The following NR2F1-AS1 variants were observed in gnomAD, a reference collection of about 807,000 sequenced individuals.
NR2F1-AS1 encodes NR2F1 regulatory antisense RNA 1.
chr5:93,556,641 G>A (rs1752362281), intron 2 of NR2F1-AS1, among the ~76,000 whole-genome samples: 1 of 152,130 alleles, frequency 6.6e-6, no homozygotes, highest in South Asian at 2.1e-4. Context: ...TGGACACAGA[G>A]ACAGACATGC....
intron 4 of NR2F1-AS1, among the ~76,000 whole-genome samples, chr5:93,467,145 A>G (rs1750256614): frequency 2.0e-5 from 3 of 152,128 alleles, no homozygotes; most frequent in Admixed American, 2.0e-4. Context: ...CAAGTGATCC[A>G]TCCGCCTTGG....
At chr5:93,490,570 AGTGGTG>A (rs1304765806) in intron 4 of NR2F1-AS1, among the ~76,000 whole-genome samples, 1 of 101,230 alleles carries the variant, frequency 9.9e-6, no homozygotes, top group Non-Finnish European at 2.1e-5. Flanking sequence ...TGGTGATGGG[AGTGGTG>A]GTGGTGGTGG....
In NR2F1-AS1 at chr5:93,451,626, C is replaced by T. The variant is rs183263202; in HGVS notation, n.639-56084G>A. ...CCATGTTACCTAGACTGGTCTCCAACTCCTGAGGTCAAGTGATCTGTCCAC... is the reference window on the plus strand; with the variant it reads ...CCATGTTACCTAGACTGGTCTCCAATTCCTGAGGTCAAGTGATCTGTCCAC... On this transcript the variant is annotated intron_variant and non_coding_transcript_variant, in intron 4 of 5. Coordinates refer to ENST00000660523, the Ensembl canonical transcript of NR2F1-AS1. Among the ~76,000 whole-genome samples, 22 of 152,202 alleles carry T rather than the reference C, an allele frequency of 1.4e-4. No individual in the cohort carries two copies. The East Asian group carries it at 4.1e-3, about 28-fold the overall frequency.
At chr5:93,530,362 G>A (rs1369822607) in intron 4 of NR2F1-AS1, among the ~76,000 whole-genome samples, 1 of 152,090 alleles carries the variant, frequency 6.6e-6, no homozygotes, top group Non-Finnish European at 1.5e-5. Context: ...GATTGCAGGC[G>A]ATTTGAAGGC....
At position 93,467,447 on chromosome 5, in the gene NR2F1-AS1, C is replaced by T. The variant is rs1053074343; in HGVS notation, n.639-71905G>A. Among the ~76,000 whole-genome samples, 61 of 152,114 alleles carry T rather than the reference C, an allele frequency of 4.0e-4. 1 individual carries two copies. On this transcript the variant is annotated intron_variant and non_coding_transcript_variant, in intron 4 of 5. Transcript: ENST00000660523. Reference sequence around the variant, plus strand: ...CTAAGGCCCTCATACTTCTTAGCTTCCCAGGAACCACCCCACACATAAATT... The same window carrying T: ...CTAAGGCCCTCATACTTCTTAGCTTTCCAGGAACCACCCCACACATAAATT...
At chr5:93,580,043 G>A (rs528169111) in intron 1 of NR2F1-AS1, among the ~76,000 whole-genome samples, 1 of 152,252 alleles carries the variant, frequency 6.6e-6, no homozygotes, top group Non-Finnish European at 1.5e-5. Context: ...AGGGCCAGCC[G>A]GGCCGGACTC....
At chr5:93,551,951 G>A (rs1164550135) in intron 4 of NR2F1-AS1, among the ~76,000 whole-genome samples, 3 of 152,114 alleles carry the variant, frequency 2.0e-5, no homozygotes, top group African/African-American at 7.2e-5. Context: ...CCTGAAAAGC[G>A]TAGCAGCACT....
At chr5:93,417,848 G>C (rs1749000117) in intron 4 of NR2F1-AS1, among the ~76,000 whole-genome samples, 1 of 152,168 alleles carries the variant, frequency 6.6e-6, no homozygotes, top group Non-Finnish European at 1.5e-5. Context: ...CCTACAGCCA[G>C]TTCCATAATA....
At chr5:93,414,475 G>A (rs1419893803) in intron 4 of NR2F1-AS1, among the ~76,000 whole-genome samples, 1 of 152,076 alleles carries the variant, frequency 6.6e-6, no homozygotes, top group Admixed American at 6.5e-5. Context: ...TGTGGCTAAG[G>A]TGAGAACATG....
intron 1 of NR2F1-AS1, among the ~76,000 whole-genome samples, chr5:93,577,751 T>C (rs1752928467): frequency 6.6e-6 from 1 of 152,194 alleles, no homozygotes; most frequent in South Asian, 2.1e-4. Flanking sequence ...GGGAAAGGTC[T>C]GCAGCAAGAT....
intron 4 of NR2F1-AS1, among the ~76,000 whole-genome samples, chr5:93,481,208 C>T (rs1750592759): frequency 6.6e-6 from 1 of 151,788 alleles, no homozygotes; most frequent in Non-Finnish European, 1.5e-5. Context: ...AAAAGAGAGC[C>T]AGGCTGGCTA....
chr5:93,491,255 C>CGTG (rs1175340685), intron 4 of NR2F1-AS1, among the ~76,000 whole-genome samples: 1 of 101,196 alleles, frequency 9.9e-6, no homozygotes, highest in African/African-American at 3.9e-5. Context: ...TAGTGGTGGT[C>CGTG]GTGGTGGTGG....
At chr5:93,547,335 T>G (rs142029904) in intron 4 of NR2F1-AS1, among the ~76,000 whole-genome samples, 55 of 152,350 alleles carry the variant, frequency 3.6e-4, no homozygotes, top group African/African-American at 1.3e-3. Flanking sequence ...TAGTTTTAAC[T>G]AAAACAATGC....
At chr5:93,564,364 T>G (rs550400264) in intron 1 of NR2F1-AS1, among the ~76,000 whole-genome samples, 1 of 152,206 alleles carries the variant, frequency 6.6e-6, no homozygotes, top group Non-Finnish European at 1.5e-5. Flanking sequence ...CCAGTTACAT[T>G]GCTATTTTTT....
chr5:93,506,547 G>T (rs1004558421), intron 4 of NR2F1-AS1, among the ~76,000 whole-genome samples: 1 of 152,206 alleles, frequency 6.6e-6, no homozygotes, highest in Non-Finnish European at 1.5e-5. Flanking sequence ...TGACTGGGGA[G>T]GCCTCAGAAT....
At chr5:93,472,967 C>A (rs1045233446) in intron 4 of NR2F1-AS1, among the ~76,000 whole-genome samples, 1 of 151,824 alleles carries the variant, frequency 6.6e-6, no homozygotes, top group Non-Finnish European at 1.5e-5. Flanking sequence ...ATGACCTGAA[C>A]AATTTTTGCC....
At chr5:93,581,738 C>A (rs1252494720), upstream of NR2F1-AS1, among the ~76,000 whole-genome samples, 5 of 39,004 alleles carry the variant, frequency 1.3e-4, no homozygotes, top group Non-Finnish European at 2.4e-4. Context: ...CTCTCTCCCC[C>A]TCTCCCTCTC....
chr5:93,544,272 A>G (rs1364211123), intron 4 of NR2F1-AS1, among the ~76,000 whole-genome samples: 1 of 152,212 alleles, frequency 6.6e-6, no homozygotes, highest in Non-Finnish European at 1.5e-5. Flanking sequence ...GCTCACAGGC[A>G]GCCAAGACAA....
At chr5:93,459,101 C>T (rs1444018657) in intron 4 of NR2F1-AS1, among the ~76,000 whole-genome samples, 1 of 152,088 alleles carries the variant, frequency 6.6e-6, no homozygotes, top group Non-Finnish European at 1.5e-5. Context: ...ACTTCGGACT[C>T]GTATCCATAA....
Sources: allele counts gnomAD v4.1 joint callset (sites outside exome capture counted in the v4.1 genomes callset), GRCh38; gene constraint gnomAD v4.1.1; transcripts MANE v1.5; gene names NCBI Gene and HGNC (gene_info 2026-07-23, HGNC 2026-07-21).